The following RAB37 variants were observed in gnomAD, a reference collection of about 807,000 sequenced individuals.
The protein encoded by RAB37 is RAB37, member RAS oncogene family.
In RAB37, 29 loss-of-function variants were observed where a neutral mutation model predicts 33.1. That is an observed-to-expected ratio of 0.88 (90% CI 0.65 to 1.20). The LOEUF is 1.20. Among genes scored for constraint, RAB37 ranks in the 50% most tolerant of loss-of-function variants. The pLI is 0.00. For missense variants in RAB37, 299 were observed against 301.1 expected (o/e 0.99, Z 0.05); for synonymous variants, 128 against 119.5 (o/e 1.07, Z -0.47).
Position 74,742,894 on chromosome 17 carries a change from G to A in RAB37, c.247-235G>A, listed in dbSNP as rs1331307142. On this transcript the variant is annotated intron_variant, in intron 3 of 8. Transcript: ENST00000392613. The surrounding 1 kb of genome is among the most constrained non-coding windows in gnomAD (Gnocchi z 4.0). ...CCTGCCTCGGCCTCCCAAAGTGCTG[G>A]GATTACAGGTGTAAGCCACCGCGCT... 6.6e-6 allele frequency among the ~76,000 whole-genome samples: 1 copy of A among 152,082 alleles called. No homozygotes were observed. The highest frequency in any genetic ancestry group is 2.4e-5 in the African/African-American group (1 of 41,398).
chr17:74,727,181 TA>T (rs1346377108), intron 1 of RAB37, among the ~76,000 whole-genome samples: 16 of 152,378 alleles, frequency 1.1e-4, no homozygotes, highest in African/African-American at 3.8e-4. Context: ...GCAAGGCACA[TA>T]CCAGCTATCT....
At chr17:74,726,174 A>C (rs1339696661) in intron 1 of RAB37, among the ~76,000 whole-genome samples, 1 of 145,590 alleles carries the variant, frequency 6.9e-6, no homozygotes, top group Non-Finnish European at 1.5e-5. Flanking sequence ...GGCAAAGGTT[A>C]TTGTGAGCCG....
intron 1 of RAB37, among the ~76,000 whole-genome samples, chr17:74,689,901 A>G (rs530616298): frequency 5.5e-4 from 84 of 152,256 alleles, no homozygotes; most frequent in African/African-American, 1.9e-3. Context: ...CTGAAAGCCA[A>G]TGATATGCAC....
chr17:74,736,899 G>A (rs1040420544), upstream of RAB37: 33 of 1,491,170 alleles, frequency 2.2e-5, no homozygotes, highest in Middle Eastern at 1.2e-3. Context: ...GGCGCCGCCT[G>A]CTGTCGCGGT....
At chr17:74,737,214 G>GGGGGGGGGGGGGGGGGGGGC, upstream of RAB37, 5 of 1,244,926 alleles carry the variant, frequency 4.0e-6, no homozygotes, top group East Asian at 2.6e-5. Flanking sequence ...CGGGGGTGGG[G>GGGGGGGGGGGGGGGGGGGGC]CCGTTCCTGC....
rs1245294031 is a variant in RAB37, at chr17:74,737,285, C to A, written c.13C>A (p.Pro5Thr). The stretch of plus-strand genomic sequence containing the variant: ...CTCGTCCAGGGACATGACGGGCACG[C>A]CAGGCGCCGTTGCCACCCGGGATGG... MTGTPGAVATRDGEA... is the reference protein window; with the variant it reads MTGTTGAVATRDGEA... Residue 5 changes from proline to threonine, a missense_variant, in exon 1 of 9, where the codon CCA becomes ACA. Coordinates refer to ENST00000392613, the MANE Select transcript of RAB37 (RefSeq NM_001006638.3). 1 of 1,568,970 alleles carries A rather than the reference C, an allele frequency of 6.4e-7. No homozygotes were observed. Among genetic ancestry groups the A allele is most frequent in the Non-Finnish European group, 8.6e-7 (1 of 1,164,406 alleles).
Position 74,744,847 on chromosome 17 carries a change from CA to C in RAB37, c.433-25del. 6.2e-7 allele frequency: 1 copy of C among 1,614,156 alleles called. No homozygotes were observed. Among genetic ancestry groups the C allele is most frequent in the South Asian group, 1.1e-5 (1 of 91,062 alleles). On this transcript the variant is annotated intron_variant, in intron 6 of 8. Transcript: ENST00000392613. This position sits in a 1 kb window ranked among gnomAD's most constrained non-coding sequence, Gnocchi z 4.2. ...CCGCTGGGGCGGAGGCCTCCTTCCC[CA>C]GAGTGACCCATTTGGGCTTGACAGG...
upstream of RAB37, among the ~76,000 whole-genome samples, chr17:74,733,741 C>T (rs1393864675): frequency 6.6e-6 from 1 of 151,860 alleles, no homozygotes; most frequent in East Asian, 1.9e-4. Context: ...TTAGTGAGTC[C>T]CTATTCTGCA....
rs770442943 is a variant in RAB37, at chr17:74,729,291, G to A, written c.108G>A (p.Thr36=). ...TGGGTGACAGTGGTGTGGGAAAGACGTCTCTGCTGGTTCAGTTCGATCAGG... is the reference window on the plus strand; with the variant it reads ...TGGGTGACAGTGGTGTGGGAAAGACATCTCTGCTGGTTCAGTTCGATCAGG... Residue 36 remains threonine (T), a synonymous_variant, in exon 2 of 8, where the codon ACG becomes ACA. Coordinates refer to the RAB37 transcript ENST00000340415. This position sits in a 1 kb window ranked among gnomAD's most constrained non-coding sequence, Gnocchi z 4.2. The A allele has an allele frequency of 2.5e-5, 40 of 1,613,948 alleles. No individual in the cohort carries two copies. Among genetic ancestry groups the A allele is most frequent in the Middle Eastern group, 1.6e-4 (1 of 6,084 alleles).
At chr17:74,689,021 C>A (rs2032107867) in intron 1 of RAB37, among the ~76,000 whole-genome samples, 1 of 152,140 alleles carries the variant, frequency 6.6e-6, no homozygotes, top group Non-Finnish European at 1.5e-5. Flanking sequence ...GGAAAAATAG[C>A]CTTGGCGCAG....
At chr17:74,720,975 G>T (rs113443504) in intron 1 of RAB37, among the ~76,000 whole-genome samples, 2,676 of 152,254 alleles carry the variant, frequency 0.018, 42 homozygotes, top group South Asian at 0.045. Context: ...CTCTGAAGCC[G>T]TGCCATCTGA....
At chr17:74,720,293 G>T (rs1320656196) in intron 1 of RAB37, among the ~76,000 whole-genome samples, 1 of 152,112 alleles carries the variant, frequency 6.6e-6, no homozygotes, top group African/African-American at 2.4e-5. Context: ...TTACAATTAA[G>T]GTTCTTTTAG....
chr17:74,691,999 A>G (rs952269435), intron 1 of RAB37, among the ~76,000 whole-genome samples: 5 of 151,278 alleles, frequency 3.3e-5, no homozygotes, highest in Non-Finnish European at 5.9e-5. Flanking sequence ...CCAAGTAGCT[A>G]GGACTACAGG....
intron 1 of RAB37, among the ~76,000 whole-genome samples, chr17:74,702,172 C>T (rs1446958311): frequency 1.3e-5 from 2 of 151,982 alleles, no homozygotes; most frequent in Non-Finnish European, 2.9e-5. Flanking sequence ...GAGAACTTGG[C>T]ACTTGGCAGA....
Position 74,691,565 on chromosome 17 carries a change from T to C in RAB37, c.72+19907T>C, listed in dbSNP as rs182371240. ...TGTTTCACTGCTCTTCAGCAGCCCA[T>C]GTCCACCATCCAGATGAAGGTAGAA... On this transcript the variant is annotated intron_variant, in intron 1 of 7. Coordinates refer to the RAB37 transcript ENST00000340415. 1.7e-3 allele frequency among the ~76,000 whole-genome samples: 263 copies of C among 152,296 alleles called. 1 individual carries two copies. Among genetic ancestry groups the C allele is most frequent in the African/African-American group, 5.3e-3 (222 of 41,578 alleles).
rs2034529558 is a variant in RAB37 at position 74,738,331 on chromosome 17, AC to A, written c.93+969del. 6.6e-6 allele frequency among the ~76,000 whole-genome samples: 1 copy of A among 152,018 alleles called. No individual in the cohort carries two copies. Among genetic ancestry groups the A allele is most frequent in the African/African-American group, 2.4e-5 (1 of 41,424 alleles). ...CCACCCCAGTGTTTCGGGGGAAGCC[AC>A]CCTGCAAGTCATCCGCCCAGAGCCG... On this transcript the variant is annotated intron_variant, in intron 1 of 8. Coordinates refer to ENST00000392613, the MANE Select transcript of RAB37 (RefSeq NM_001006638.3). This position sits in a 1 kb window ranked among gnomAD's most constrained non-coding sequence, Gnocchi z 5.0.
rs144835058 is a variant in RAB37 at position 74,696,696 on chromosome 17, G to A, written c.72+25038G>A. ...GCTCTATGTCTGTCTCATCATCTTC[G>A]TCCTACTGAATTCTAGTTAGTCCTC... On this transcript the variant is annotated intron_variant, in intron 1 of 7. Transcript: ENST00000340415. Among the ~76,000 whole-genome samples the A allele has an allele frequency of 9.4e-4, 143 of 152,220 alleles. No individual in the cohort carries two copies. In the East Asian group the frequency reaches 0.018, roughly 19 times the overall value.
chr17:74,690,992 C>T (rs2032147715), intron 1 of RAB37, among the ~76,000 whole-genome samples: 1 of 152,176 alleles, frequency 6.6e-6, no homozygotes. Flanking sequence ...GATCACAGCT[C>T]ACTGCTGCCT....
At chr17:74,708,716 A>C (rs1196319200) in intron 1 of RAB37, among the ~76,000 whole-genome samples, 2 of 152,148 alleles carry the variant, frequency 1.3e-5, no homozygotes, top group Admixed American at 6.5e-5. Context: ...GGAGATCGAG[A>C]CCATCCTGGC....
Sources: allele counts gnomAD v4.1 joint callset (sites outside exome capture counted in the v4.1 genomes callset), GRCh38; gene constraint gnomAD v4.1.1; non-coding constraint Gnocchi (gnomAD v3.1); transcripts MANE v1.5; gene names NCBI Gene and HGNC (gene_info 2026-07-23, HGNC 2026-07-21).